ZNF138: variants seen among roughly 807,000 people sequenced by gnomAD.
ZNF138 encodes zinc finger protein 138.
Under a neutral mutation model 33.0 loss-of-function variants are expected in ZNF138, and 33 were observed. That is an observed-to-expected ratio of 1.00 (90% CI 0.76 to 1.34). ZNF138 has a LOEUF of 1.34. Ranked by LOEUF, ZNF138 falls within the 40% of genes most tolerant of loss-of-function variation. ZNF138 has a pLI of 0.00. For missense variants in ZNF138, 360 were observed against 370.8 expected (o/e 0.97, Z 0.24); for synonymous variants, 139 against 120.4 (o/e 1.15, Z -1.01).
the ZNF138 span, chr7:64,852,342 A>G: frequency 4.3e-4 from 492 of 1,156,434 alleles, no homozygotes; most frequent in Non-Finnish European, 5.9e-4. Context: ...AAGCGATGAT[A>G]AAGGAAATAG....
At chr7:64,852,725 T>C in the ZNF138 span, 1 of 1,063,924 alleles carries the variant, frequency 9.4e-7, no homozygotes, top group South Asian at 1.2e-5. Context: ...CAGCCACTGA[T>C]GCACAGCCAC....
chr7:64,815,710 GA>G, intron 3 of ZNF138, 57 bp downstream of exon 3: 2 of 1,489,720 alleles, frequency 1.3e-6, no homozygotes, highest in Non-Finnish European at 1.8e-6. Flanking sequence ...CCAAGGAGAA[GA>G]CCACTCCTTT....
At chr7:64,806,281 T>G (rs1049031725) in intron 1 of ZNF138, among the ~76,000 whole-genome samples, 1 of 152,196 alleles carries the variant, frequency 6.6e-6, no homozygotes, top group Non-Finnish European at 1.5e-5. Flanking sequence ...TACTCTATAG[T>G]TAACATTTAG....
Position 64,819,178 on chromosome 7 carries a change from CAA to C in ZNF138, c.208+3527_208+3528del, listed in dbSNP as rs1788912719. ...ATTATGTATGTATGTGTTTTATTTACAAATATGACCCCTATTTTGGTTATGGC... is the reference window on the plus strand; with the variant it reads ...ATTATGTATGTATGTGTTTTATTTACATATGACCCCTATTTTGGTTATGGC... On this transcript the variant is annotated intron_variant, in intron 3 of 3. Transcript: ENST00000307355. Among the ~76,000 whole-genome samples the C allele has an allele frequency of 2.0e-5, 3 of 152,198 alleles. No homozygotes were observed. The East Asian group carries it at 5.8e-4, about 29-fold the overall frequency.
chr7:64,821,979 C>T (rs557939625), intron 3 of ZNF138, among the ~76,000 whole-genome samples: 4 of 138,152 alleles, frequency 2.9e-5, no homozygotes, highest in South Asian at 2.3e-4. Context: ...AGTGCAGTGG[C>T]GCGATCTCAG....
intron 1 of ZNF138, among the ~76,000 whole-genome samples, chr7:64,804,547 C>T (rs563472430): frequency 9.5e-5 from 14 of 148,136 alleles, no homozygotes; most frequent in African/African-American, 2.7e-4. Context: ...CAGGGAGAGG[C>T]GGAGGTGGGT....
chr7:64,813,085 G>C (rs1264212735), intron 1 of ZNF138, among the ~76,000 whole-genome samples: 7 of 149,020 alleles, frequency 4.7e-5, no homozygotes, highest in African/African-American at 7.4e-5. Flanking sequence ...ACATCATGCT[G>C]TCTTACAGGC....
At chr7:64,816,025 T>C (rs1268708567) in intron 3 of ZNF138, among the ~76,000 whole-genome samples, 1 of 152,226 alleles carries the variant, frequency 6.6e-6, no homozygotes, top group East Asian at 1.9e-4. Context: ...GTATCTGAAA[T>C]GTGTGAGTAG....
intron 3 of ZNF138, among the ~76,000 whole-genome samples, chr7:64,829,780 T>C: frequency 6.6e-6 from 1 of 151,972 alleles, no homozygotes; most frequent in East Asian, 2.0e-4. Context: ...AATTCCATTT[T>C]TGTGTATGTG....
At chr7:64,852,907 T>G in the ZNF138 span, 1 of 1,081,586 alleles carries the variant, frequency 9.2e-7, no homozygotes, top group Non-Finnish European at 1.4e-6. Context: ...CCTCCTCAGC[T>G]GCGTCTTTAA....
the ZNF138 span, among the ~76,000 whole-genome samples, chr7:64,838,748 G>C: frequency 6.6e-6 from 1 of 152,176 alleles, no homozygotes; most frequent in Admixed American, 6.5e-5. Context: ...CTACAGGGAG[G>C]TGGAAATAAG....
chr7:64,816,891 A>G (rs1788681939), intron 3 of ZNF138, among the ~76,000 whole-genome samples: 1 of 152,194 alleles, frequency 6.6e-6, no homozygotes, highest in Admixed American at 6.5e-5. Context: ...TCGCTTGGTC[A>G]CAAGGCTGCT....
the ZNF138 span, among the ~76,000 whole-genome samples, chr7:64,850,385 T>G: frequency 6.6e-6 from 1 of 152,230 alleles, no homozygotes; most frequent in East Asian, 1.9e-4. Context: ...CCTGCAGTAC[T>G]TCTGGAGAAA....
chr7:64,846,237 C>T, the ZNF138 span, among the ~76,000 whole-genome samples: 1 of 152,102 alleles, frequency 6.6e-6, no homozygotes. Context: ...CTTGCTTTGG[C>T]TATGTAAGCT....
chr7:64,844,109 C>T, the ZNF138 span, among the ~76,000 whole-genome samples: 1 of 152,190 alleles, frequency 6.6e-6, no homozygotes, highest in Admixed American at 6.5e-5. Flanking sequence ...AGGCCTGAGC[C>T]ACTGCGCTGG....
chr7:64,818,028 C>G (rs939747667), intron 3 of ZNF138, among the ~76,000 whole-genome samples: 2 of 146,020 alleles, frequency 1.4e-5, no homozygotes, highest in African/African-American at 5.0e-5. Flanking sequence ...GAGTCTCACT[C>G]TGCACCCAGG....
In ZNF138 at chr7:64,832,708, C is replaced by G. The variant is rs574784424; in HGVS notation, c.*506C>G. ...GGCAAGGTCTTTAAGAAGTCCTCAA[C>G]TCTTACTGCACATAAGATCATTCAT... On this transcript the variant is annotated 3_prime_UTR_variant, in exon 4 of 4. Transcript: ENST00000307355. 1.8e-4 allele frequency: 77 copies of G among 434,710 alleles called. 1 individual carries two copies. The highest frequency in any genetic ancestry group is 1.2e-3 in the South Asian group (65 of 54,188). 26.9% of individuals were successfully genotyped at this position (434,710 alleles called of 1,614,324 possible). A position where few individuals can be genotyped will look rare whatever the true frequency, so the allele number is the denominator to read the frequency against.
chr7:64,799,568 T>TG (rs1446534199), intron 1 of ZNF138, among the ~76,000 whole-genome samples: 2 of 152,210 alleles, frequency 1.3e-5, no homozygotes, highest in Non-Finnish European at 2.9e-5. Flanking sequence ...ATCTTTCACT[T>TG]GCCTGATCAG....
chr7:64,818,357 C>G (rs985690494), intron 3 of ZNF138, among the ~76,000 whole-genome samples: 5 of 152,082 alleles, frequency 3.3e-5, no homozygotes, highest in African/African-American at 9.7e-5. Flanking sequence ...CTTTATTTAG[C>G]AATGTAAGGG....
Sources: allele counts gnomAD v4.1 joint callset (sites outside exome capture counted in the v4.1 genomes callset), GRCh38; gene constraint gnomAD v4.1.1; transcripts MANE v1.5; gene names NCBI Gene and HGNC (gene_info 2026-07-23, HGNC 2026-07-21).